The following KCNIP1 variants were observed in gnomAD, a reference collection of about 807,000 sequenced individuals.
The protein encoded by KCNIP1 is A-type potassium channel modulatory protein KCNIP1.
Under a neutral mutation model 33.0 loss-of-function variants are expected in KCNIP1, and 18 were observed. The observed-to-expected ratio is 0.55, with a 90% CI of 0.38 to 0.81. The LOEUF is 0.81. KCNIP1 is among the 30% of genes least tolerant of loss of function. The pLI is 0.00. For missense variants in KCNIP1, 238 were observed against 271.6 expected (o/e 0.88, Z 0.87); for synonymous variants, 93 against 98.3 (o/e 0.95, Z 0.32).
chr5:170,713,822 G>GACCA, intron 1 of KCNIP1, among the ~76,000 whole-genome samples: 1 of 152,090 alleles, frequency 6.6e-6, no homozygotes, highest in South Asian at 2.1e-4. Flanking sequence ...AGAAACTTGA[G>GACCA]ACCAGCCTGG....
chr5:170,521,121 C>A (rs977715004), intron 1 of KCNIP1, among the ~76,000 whole-genome samples: 3 of 152,356 alleles, frequency 2.0e-5, no homozygotes, highest in African/African-American at 7.2e-5. Flanking sequence ...TCTGCAACCA[C>A]AATCCTAGTC....
intron 1 of KCNIP1, among the ~76,000 whole-genome samples, chr5:170,609,563 T>A (rs990280440): frequency 3.3e-5 from 5 of 152,110 alleles, no homozygotes; most frequent in Admixed American, 3.3e-4. Context: ...AGTTTGGGCC[T>A]GGCATGGCAG....
intron 1 of KCNIP1, among the ~76,000 whole-genome samples, chr5:170,624,604 T>C (rs1759740714): frequency 6.6e-6 from 1 of 151,844 alleles, no homozygotes; most frequent in Non-Finnish European, 1.5e-5. Flanking sequence ...CCAATTAAAA[T>C]GTCAATCTCA....
chr5:170,480,677 C>T (rs1756957890), intron 1 of KCNIP1, among the ~76,000 whole-genome samples: 1 of 152,056 alleles, frequency 6.6e-6, no homozygotes, highest in Non-Finnish European at 1.5e-5. Context: ...CTCCCAGGAT[C>T]AAGTGATCCA....
chr5:170,591,880 T>C (rs892506382), intron 1 of KCNIP1, among the ~76,000 whole-genome samples: 11 of 152,246 alleles, frequency 7.2e-5, no homozygotes, highest in Non-Finnish European at 1.0e-4. Context: ...CTTTTTTTGC[T>C]ATTGTGCATA....
chr5:170,551,931 A>T (rs925782370), intron 1 of KCNIP1, among the ~76,000 whole-genome samples: 1 of 150,226 alleles, frequency 6.7e-6, no homozygotes, highest in East Asian at 2.0e-4. Flanking sequence ...TACACGTATG[A>T]ATGTGAGTGT....
chr5:170,639,640 T>G (rs1010287108), intron 1 of KCNIP1: 6 of 152,286 alleles, frequency 3.9e-5, no homozygotes, highest in Non-Finnish European at 5.9e-5. Context: ...CTGGACCACC[T>G]GTGGTTTCAA....
At chr5:170,378,430 A>C in intron 1 of KCNIP1, 3 of 397,448 alleles carry the variant, frequency 7.5e-6, no homozygotes, top group Non-Finnish European at 4.5e-6. Context: ...GGAAACAGGT[A>C]TGAGTCAGTT....
chr5:170,432,432 T>G (rs13172742), intron 1 of KCNIP1, among the ~76,000 whole-genome samples: 29,460 of 152,198 alleles, frequency 0.19, 2,882 homozygotes, highest in Non-Finnish European at 0.21. Context: ...ATCTTGATTA[T>G]TAAAAAGACA....
At chr5:170,404,257 T>C (rs1754978343) in intron 1 of KCNIP1, among the ~76,000 whole-genome samples, 1 of 152,230 alleles carries the variant, frequency 6.6e-6, no homozygotes, top group African/African-American at 2.4e-5. Context: ...AAAAATCATC[T>C]ATAATTCTAC....
chr5:170,431,327 A>T (rs1359338674), intron 1 of KCNIP1, among the ~76,000 whole-genome samples: 6 of 152,174 alleles, frequency 3.9e-5, no homozygotes, highest in African/African-American at 1.4e-4. Context: ...TGGTGGAAGA[A>T]ATGTCCATTC....
chr5:170,701,874 G>A (rs752342775), intron 1 of KCNIP1, among the ~76,000 whole-genome samples: 4 of 152,236 alleles, frequency 2.6e-5, no homozygotes, highest in South Asian at 2.1e-4. Context: ...GTGGAGCTGC[G>A]ACAGGAGCCT....
chr5:170,355,008 T>A (rs1470487512), intron 1 of KCNIP1, among the ~76,000 whole-genome samples: 1 of 152,196 alleles, frequency 6.6e-6, no homozygotes, highest in Non-Finnish European at 1.5e-5. Context: ...AGAGAAAGGC[T>A]ATATGCAGCC....
At chr5:170,412,305 A>C (rs1484160010) in intron 1 of KCNIP1, among the ~76,000 whole-genome samples, 1 of 152,148 alleles carries the variant, frequency 6.6e-6, no homozygotes, top group East Asian at 1.9e-4. Context: ...AAGCAGGAGA[A>C]AAGATGGGAG....
intron 1 of KCNIP1, among the ~76,000 whole-genome samples, chr5:170,710,653 C>G (rs1038847317): frequency 6.6e-6 from 1 of 152,226 alleles, no homozygotes; most frequent in East Asian, 1.9e-4. Context: ...GCCTTGGTAG[C>G]TCTCCAAAGC....
chr5:170,379,717 A>T (rs1241845837), intron 1 of KCNIP1, among the ~76,000 whole-genome samples: 1 of 152,194 alleles, frequency 6.6e-6, no homozygotes, highest in Non-Finnish European at 1.5e-5. Flanking sequence ...GGGAAGCCGA[A>T]GGGGAAGGAT....
At chr5:170,410,124 C>G (rs538191513) in intron 1 of KCNIP1, among the ~76,000 whole-genome samples, 354 of 152,382 alleles carry the variant, frequency 2.3e-3, no homozygotes, top group Non-Finnish European at 3.9e-3. Flanking sequence ...CCAGCCATCC[C>G]GTCTCATCAG....
chr5:170,437,418 T>C (rs1343297417), intron 1 of KCNIP1, among the ~76,000 whole-genome samples: 1 of 152,184 alleles, frequency 6.6e-6, no homozygotes, highest in Non-Finnish European at 1.5e-5. Context: ...GGCCAGTCAC[T>C]CAACGGCCAT....
chr5:170,718,651 G>A (rs1273550449), intron 1 of KCNIP1, 107 bp from the exon 2 acceptor site: 1 of 1,356,372 alleles, frequency 7.4e-7, no homozygotes, highest in African/African-American at 1.4e-5. Context: ...CCAGCCCACA[G>A]TCCTAGATCC....
Sources: allele counts gnomAD v4.1 joint callset (sites outside exome capture counted in the v4.1 genomes callset), GRCh38; gene constraint gnomAD v4.1.1; transcripts MANE v1.5; gene names NCBI Gene and HGNC (gene_info 2026-07-23, HGNC 2026-07-21).